Variants in CSTPP1 observed in about 807,000 individuals in gnomAD.
The protein encoded by CSTPP1 is centriolar satellite-associated tubulin polyglutamylase complex regulator 1.
At chr11:47,083,338 T>C in the CSTPP1 span, among the ~76,000 whole-genome samples, 1 of 152,250 alleles carries the variant, frequency 6.6e-6, no homozygotes. Flanking sequence ...CCACATTTTG[T>C]CTATCCATTC....
the CSTPP1 span, among the ~76,000 whole-genome samples, chr11:47,024,156 C>T: frequency 6.6e-6 from 1 of 151,854 alleles, no homozygotes; most frequent in Non-Finnish European, 1.5e-5. Flanking sequence ...ACCTCTTGGG[C>T]TCAAGAGATC....
At chr11:47,036,122 T>A in the CSTPP1 span, among the ~76,000 whole-genome samples, 1 of 14,028 alleles carries the variant, frequency 7.1e-5, no homozygotes. Context: ...ATAATGTATA[T>A]TATAATATAC....
At chr11:47,137,183 C>A in the CSTPP1 span, 2 of 932,858 alleles carry the variant, frequency 2.1e-6, no homozygotes, top group Admixed American at 5.2e-5. Context: ...CTTCTCCCTA[C>A]ACAGCAAGAC....
At chr11:46,998,200 G>A in the CSTPP1 span, among the ~76,000 whole-genome samples, 1 of 152,110 alleles carries the variant, frequency 6.6e-6, no homozygotes, top group South Asian at 2.1e-4. Context: ...TCCCTTTCTT[G>A]ATTCTTTGTG....
chr11:46,970,755 A>G, the CSTPP1 span, among the ~76,000 whole-genome samples: 1 of 152,172 alleles, frequency 6.6e-6, no homozygotes, highest in Non-Finnish European at 1.5e-5. Flanking sequence ...ATGTACAGAA[A>G]ATAAATGACA....
chr11:47,091,817 A>G, the CSTPP1 span, among the ~76,000 whole-genome samples: 1 of 152,230 alleles, frequency 6.6e-6, no homozygotes, highest in African/African-American at 2.4e-5. Context: ...CCACAAGCCA[A>G]GGAATGAGGA....
chr11:47,147,470 G>A, the CSTPP1 span, among the ~76,000 whole-genome samples: 1 of 152,164 alleles, frequency 6.6e-6, no homozygotes, highest in African/African-American at 2.4e-5. Context: ...CTGTGGACCA[G>A]TTCACCCCTA....
At chr11:46,961,629 T>G in the CSTPP1 span, among the ~76,000 whole-genome samples, 1 of 152,236 alleles carries the variant, frequency 6.6e-6, no homozygotes, top group South Asian at 2.1e-4. Context: ...AGGTGTTATA[T>G]CTAAGAAATG....
At chr11:47,107,549 G>T in the CSTPP1 span, among the ~76,000 whole-genome samples, 1 of 151,696 alleles carries the variant, frequency 6.6e-6, no homozygotes, top group Non-Finnish European at 1.5e-5. Context: ...TTTTGCTTTG[G>T]TTTTTTGCCT....
the CSTPP1 span, among the ~76,000 whole-genome samples, chr11:47,070,437 A>G: frequency 6.6e-6 from 1 of 152,200 alleles, no homozygotes; most frequent in Admixed American, 6.5e-5. Flanking sequence ...GAGGTTGTCA[A>G]AAAGACAGAT....
the CSTPP1 span, among the ~76,000 whole-genome samples, chr11:47,149,810 G>C: frequency 6.6e-6 from 1 of 152,090 alleles, no homozygotes; most frequent in Non-Finnish European, 1.5e-5. Flanking sequence ...GGAGCTGTTA[G>C]TTCTGTCCAC....
At chr11:47,034,105 T>A in the CSTPP1 span, among the ~76,000 whole-genome samples, 7 of 150,838 alleles carry the variant, frequency 4.6e-5, no homozygotes, top group East Asian at 1.9e-4. Context: ...ATAATAAAAA[T>A]ATATATATAT....
the CSTPP1 span, chr11:47,161,135 C>T: frequency 6.2e-7 from 1 of 1,614,126 alleles, no homozygotes; most frequent in South Asian, 1.1e-5. Flanking sequence ...AGGAGCTTTG[C>T]CTGACAAGGG....
chr11:46,951,295 C>CTTT, the CSTPP1 span, among the ~76,000 whole-genome samples: 2 of 127,668 alleles, frequency 1.6e-5, no homozygotes, highest in African/African-American at 3.1e-5. Flanking sequence ...TCCTTAGACT[C>CTTT]TTTTTTTTTT....
chr11:47,161,839 G>A, the CSTPP1 span: 3 of 1,377,338 alleles, frequency 2.2e-6, no homozygotes, highest in Non-Finnish European at 1.9e-6. Flanking sequence ...TGCTCTCCCT[G>A]GCCCTATCAG....
chr11:46,966,893 T>C, the CSTPP1 span, among the ~76,000 whole-genome samples: 1 of 152,290 alleles, frequency 6.6e-6, no homozygotes, highest in South Asian at 2.1e-4. Context: ...AACTGTTTTC[T>C]CGCAGTTCTG....
At chr11:47,150,487 G>C in the CSTPP1 span, among the ~76,000 whole-genome samples, 1 of 152,204 alleles carries the variant, frequency 6.6e-6, no homozygotes, top group African/African-American at 2.4e-5. Context: ...ATGTTCCCAG[G>C]ACAAAGACAA....
At chr11:46,938,267 C>T in the CSTPP1 span, among the ~76,000 whole-genome samples, 3 of 151,254 alleles carry the variant, frequency 2.0e-5, no homozygotes, top group Non-Finnish European at 4.4e-5. Context: ...CTATTATTTA[C>T]ATCTTGCATT....
chr11:47,122,091 A>ATAT, the CSTPP1 span, among the ~76,000 whole-genome samples: 4 of 31,840 alleles, frequency 1.3e-4, no homozygotes, highest in African/African-American at 1.9e-4. Flanking sequence ...AAAAAAAAAA[A>ATAT]ATATATATAT....
Sources: gnomAD v4.1 joint callset for allele counts (sites outside exome capture counted in the v4.1 genomes callset) on GRCh38, gnomAD v4.1.1 for gene constraint, MANE v1.5 for transcripts, NCBI Gene and HGNC (gene_info 2026-07-23, HGNC 2026-07-21) for gene names.